GALNT13: variants seen among roughly 807,000 people sequenced by gnomAD.
GALNT13 encodes polypeptide N-acetylgalactosaminyltransferase 13, also known as UDP-GalNAc:polypeptide N-acetylgalactosaminyltransferase 13.
A neutral mutation model predicts 64.2 loss-of-function variants in GALNT13; 28 were observed. That is an observed-to-expected ratio of 0.44 (90% confidence interval 0.32 to 0.60). GALNT13 has a LOEUF of 0.60. Ranked by LOEUF, GALNT13 falls within the 20% of genes least tolerant of loss-of-function variation. The pLI is 0.05. For missense variants in GALNT13, 577 were observed against 669.8 expected (o/e 0.86, Z 1.53); for synonymous variants, 214 against 224.6 (o/e 0.95, Z 0.42).
At chr2:154,268,474 G>A (rs1330160347) in intron 8 of GALNT13, among the ~76,000 whole-genome samples, 2 of 152,120 alleles carry the variant, frequency 1.3e-5, no homozygotes, top group Non-Finnish European at 2.9e-5. Flanking sequence ...TAGTGGTAAT[G>A]TATGTATTCA....
the GALNT13 span, among the ~76,000 whole-genome samples, chr2:153,508,229 A>C: frequency 3.9e-5 from 6 of 152,158 alleles, no homozygotes; most frequent in African/African-American, 1.4e-4. Flanking sequence ...TCGCCTGGTT[A>C]TGTATTCAGG....
chr2:153,841,220 C>T, the GALNT13 span, among the ~76,000 whole-genome samples: 1 of 152,010 alleles, frequency 6.6e-6, no homozygotes, highest in East Asian at 1.9e-4. Flanking sequence ...TTCTTTTGAA[C>T]TTCATGTTAT....
chr2:154,180,911 A>G (rs901461981), intron 4 of GALNT13, among the ~76,000 whole-genome samples: 2 of 152,206 alleles, frequency 1.3e-5, no homozygotes, highest in African/African-American at 4.8e-5. Flanking sequence ...GCACTGGTCC[A>G]CACATGTGCA....
chr2:154,296,880 C>G (rs1432886654), intron 8 of GALNT13, among the ~76,000 whole-genome samples: 1 of 152,108 alleles, frequency 6.6e-6, no homozygotes, highest in Non-Finnish European at 1.5e-5. Context: ...ATCAACCCGT[C>G]AGCAATTGGA....
At chr2:154,030,791 C>T (rs1698284292) in intron 3 of GALNT13, among the ~76,000 whole-genome samples, 1 of 152,056 alleles carries the variant, frequency 6.6e-6, no homozygotes, top group East Asian at 1.9e-4. Context: ...GAAAGATGTA[C>T]CTTGTTTCCC....
At chr2:154,319,767 T>G (rs2105158287) in intron 9 of GALNT13, among the ~76,000 whole-genome samples, 1 of 152,302 alleles carries the variant, frequency 6.6e-6, no homozygotes, top group South Asian at 2.1e-4. Context: ...TGAGCATTAG[T>G]TGAACAATAA....
At chr2:153,411,304 G>T in the GALNT13 span, among the ~76,000 whole-genome samples, 1 of 151,882 alleles carries the variant, frequency 6.6e-6, no homozygotes. Flanking sequence ...TAGGGGATCC[G>T]ATAGGGAGAT....
At chr2:153,267,025 G>C in the GALNT13 span, among the ~76,000 whole-genome samples, 1 of 152,224 alleles carries the variant, frequency 6.6e-6, no homozygotes, top group Non-Finnish European at 1.5e-5. Context: ...ATTCCAAATG[G>C]GAGAAATTGG....
chr2:153,254,370 T>C, the GALNT13 span, among the ~76,000 whole-genome samples: 10 of 152,230 alleles, frequency 6.6e-5, no homozygotes, highest in Admixed American at 2.0e-4. Context: ...TTTTTCTTTA[T>C]TAGTCTGGCT....
chr2:154,234,743 A>T (rs1689100814), intron 4 of GALNT13, among the ~76,000 whole-genome samples: 1 of 152,180 alleles, frequency 6.6e-6, no homozygotes, highest in African/African-American at 2.4e-5. Flanking sequence ...TTCATACAAT[A>T]TGACTCCTCA....
chr2:153,276,316 T>A, the GALNT13 span, among the ~76,000 whole-genome samples: 1 of 152,252 alleles, frequency 6.6e-6, no homozygotes, highest in Admixed American at 6.5e-5. Flanking sequence ...TTTATAATTC[T>A]TGGGTTTTTC....
intron 9 of GALNT13, among the ~76,000 whole-genome samples, chr2:154,355,142 C>T (rs989188035): frequency 2.0e-5 from 3 of 152,072 alleles, no homozygotes; most frequent in Non-Finnish European, 4.4e-5. Flanking sequence ...TGTCCCCACG[C>T]CCAGCCACAT....
chr2:153,499,543 C>A, the GALNT13 span, among the ~76,000 whole-genome samples: 2 of 152,194 alleles, frequency 1.3e-5, no homozygotes, highest in African/African-American at 4.8e-5. Context: ...CTCCTGCCAC[C>A]ATCAGTCATG....
At chr2:153,997,082 G>A (rs534885957) in intron 3 of GALNT13, among the ~76,000 whole-genome samples, 9 of 151,974 alleles carry the variant, frequency 5.9e-5, no homozygotes, top group Non-Finnish European at 1.2e-4. Flanking sequence ...TGGGTTTGTG[G>A]TATATTTTGA....
the GALNT13 span, chr2:153,477,336 C>T: frequency 1.3e-5 from 2 of 152,602 alleles, no homozygotes; most frequent in East Asian, 3.9e-4. Context: ...AGGCCAGGAA[C>T]AAAACGCTTA....
chr2:154,394,417 C>T (rs895145091), intron 9 of GALNT13, among the ~76,000 whole-genome samples: 1 of 152,064 alleles, frequency 6.6e-6, no homozygotes, highest in Non-Finnish European at 1.5e-5. Flanking sequence ...CAAATCTTAA[C>T]ATGATGAAAA....
chr2:153,901,148 A>C (rs922460268), intron 2 of GALNT13, 141 bp downstream of exon 2: 1 of 152,034 alleles, frequency 6.6e-6, no homozygotes, highest in African/African-American at 2.4e-5. Context: ...TGTGTGCAGC[A>C]TTATTTCTGG....
rs150225053 is a variant in GALNT13 at position 154,273,735 on chromosome 2, C to T, written c.975+14597C>T. On this transcript the variant is annotated intron_variant, in intron 8 of 12. Coordinates refer to ENST00000392825, the MANE Select transcript of GALNT13 (RefSeq NM_052917.4). ...TGTACCATCTAGGTTTGTATAAGAA[C>T]ATTCTGTAATGTTCACATGATAATG... Among the ~76,000 whole-genome samples, 650 of 152,202 alleles carry T rather than the reference C, an allele frequency of 4.3e-3. 4 individuals are homozygous for T. Among genetic ancestry groups the T allele is most frequent in the African/African-American group, 0.014 (594 of 41,538 alleles).
At chr2:154,061,168 A>G (rs577793174) in intron 3 of GALNT13, among the ~76,000 whole-genome samples, 2 of 152,258 alleles carry the variant, frequency 1.3e-5, no homozygotes, top group East Asian at 1.9e-4. Flanking sequence ...TTTACTCCAT[A>G]TACTTTATTA....
Sources: allele counts gnomAD v4.1 joint callset (sites outside exome capture counted in the v4.1 genomes callset), GRCh38; gene constraint gnomAD v4.1.1; transcripts MANE v1.5; gene names NCBI Gene and HGNC (gene_info 2026-07-23, HGNC 2026-07-21).